Variants in SAMD5 observed in about 807,000 individuals in gnomAD.
The protein encoded by SAMD5 is sterile alpha motif domain containing 5, also known as sterile alpha motif domain-containing protein 5.
A neutral mutation model predicts 11.3 loss-of-function variants in SAMD5; 13 were observed. The observed-to-expected ratio is 1.15, with a 90% CI of 0.75 to 1.83. SAMD5 has a LOEUF of 1.83. Among genes scored for constraint, SAMD5 ranks in the 40% most tolerant of loss-of-function variants. The probability of loss-of-function intolerance (pLI) is 0.00; values close to 1 mark genes in which losing one functional copy is unlikely to be tolerated. For synonymous variants in SAMD5, 129 were observed against 111.3 expected, an observed-to-expected ratio of 1.16 and a Z score of -1.00; for missense variants, 255 against 239.1, an observed-to-expected ratio of 1.07 and a Z score of -0.44.
intron 1 of SAMD5, among the ~76,000 whole-genome samples, chr6:147,619,204 T>C (rs1789920769): frequency 6.6e-6 from 1 of 152,238 alleles, no homozygotes; most frequent in Non-Finnish European, 1.5e-5. Context: ...ATCTTATTTT[T>C]TTTAAGTATG....
chr6:147,634,443 A>G (rs1322821731), intron 1 of SAMD5, among the ~76,000 whole-genome samples: 2 of 152,154 alleles, frequency 1.3e-5, no homozygotes, highest in East Asian at 3.9e-4. Flanking sequence ...ATCTCCCATC[A>G]GGCCCCTCCT....
At chr6:147,849,569 C>T in the SAMD5 span, among the ~76,000 whole-genome samples, 1 of 152,086 alleles carries the variant, frequency 6.6e-6, no homozygotes, top group African/African-American at 2.4e-5. Context: ...GGACGCTCAG[C>T]ATTATTTTTT....
chr6:147,817,279 C>G, the SAMD5 span, among the ~76,000 whole-genome samples: 8 of 152,314 alleles, frequency 5.3e-5, no homozygotes, highest in African/African-American at 1.2e-4. Flanking sequence ...AAGTGAATGG[C>G]CCAGCTGTGC....
chr6:147,859,563 A>T, the SAMD5 span, among the ~76,000 whole-genome samples: 1 of 152,312 alleles, frequency 6.6e-6, no homozygotes, highest in African/African-American at 2.4e-5. Context: ...CTAAAAGATA[A>T]AACAATTATC....
chr6:147,563,787 A>G (rs1352520292), intron 1 of SAMD5, among the ~76,000 whole-genome samples: 1 of 152,132 alleles, frequency 6.6e-6, no homozygotes, highest in Non-Finnish European at 1.5e-5. Context: ...CTTTGTAAGA[A>G]ATACTTAATT....
the SAMD5 span, among the ~76,000 whole-genome samples, chr6:147,765,552 A>G: frequency 3.9e-5 from 6 of 152,244 alleles, no homozygotes; most frequent in Non-Finnish European, 8.8e-5. Context: ...TTTAACAAAC[A>G]TTACTGAAGC....
the SAMD5 span, among the ~76,000 whole-genome samples, chr6:147,761,301 C>A: frequency 2.6e-5 from 4 of 152,022 alleles, no homozygotes; most frequent in African/African-American, 4.8e-5. Context: ...TTTTCAATGT[C>A]GTGAACTTGC....
the SAMD5 span, among the ~76,000 whole-genome samples, chr6:147,829,616 A>AGT: frequency 6.8e-6 from 1 of 147,652 alleles, no homozygotes; most frequent in African/African-American, 2.5e-5. Context: ...GCATTTATGT[A>AGT]GTGTGTGTGT....
chr6:147,892,097 A>G, the SAMD5 span, among the ~76,000 whole-genome samples: 3 of 152,158 alleles, frequency 2.0e-5, no homozygotes, highest in Admixed American at 6.5e-5. Flanking sequence ...TGCAAATACT[A>G]GTTCCTGAAA....
At chr6:147,526,453 A>G (rs35506695) in intron 1 of SAMD5, among the ~76,000 whole-genome samples, 8,198 of 152,318 alleles carry the variant, frequency 0.054, 274 homozygotes, top group Admixed American at 0.084. Flanking sequence ...ATATGTAAGT[A>G]AACATAACAT....
the SAMD5 span, among the ~76,000 whole-genome samples, chr6:147,747,128 C>T: frequency 6.1e-3 from 922 of 152,304 alleles, 5 homozygotes; most frequent in Middle Eastern, 0.037. Context: ...TTGAATGGGT[C>T]AGGGATGTTT....
chr6:147,570,035 C>T (rs911458649), downstream of SAMD5: 1 of 984,660 alleles, frequency 1.0e-6, no homozygotes, highest in Non-Finnish European at 1.2e-6. Context: ...CCGCCTTGGC[C>T]TCTTTTGTAA....
intron 1 of SAMD5, among the ~76,000 whole-genome samples, chr6:147,671,747 T>C (rs1324624649): frequency 1.3e-5 from 2 of 152,206 alleles, no homozygotes; most frequent in Admixed American, 1.3e-4. Flanking sequence ...ATTTTTTGAA[T>C]GTCAATTGCT....
At chr6:147,593,121 T>C (rs1281109502) in intron 1 of SAMD5, among the ~76,000 whole-genome samples, 1 of 152,120 alleles carries the variant, frequency 6.6e-6, no homozygotes, top group Admixed American at 6.6e-5. Context: ...CAGAAGTTAG[T>C]GGCTGGGACT....
intron 1 of SAMD5, among the ~76,000 whole-genome samples, chr6:147,535,574 T>C (rs944772930): frequency 1.3e-5 from 2 of 152,240 alleles, no homozygotes; most frequent in African/African-American, 4.8e-5. Flanking sequence ...ACTGATTTGT[T>C]TACAAAATAA....
At chr6:147,699,500 A>T (rs1791222937) in intron 1 of SAMD5, among the ~76,000 whole-genome samples, 1 of 152,220 alleles carries the variant, frequency 6.6e-6, no homozygotes, top group African/African-American at 2.4e-5. Flanking sequence ...AATTATAATC[A>T]TACAAGCAGT....
chr6:147,866,096 T>C, the SAMD5 span, among the ~76,000 whole-genome samples: 1 of 147,074 alleles, frequency 6.8e-6, no homozygotes, highest in African/African-American at 2.5e-5. Context: ...AATCATTGTA[T>C]CTTAGTGAGC....
the SAMD5 span, among the ~76,000 whole-genome samples, chr6:147,930,178 G>A: frequency 1.3e-5 from 2 of 152,110 alleles, no homozygotes; most frequent in South Asian, 4.1e-4. Context: ...CTTTGCTCCA[G>A]TTCCCAATAA....
the SAMD5 span, among the ~76,000 whole-genome samples, chr6:147,859,410 A>G: frequency 1.3e-5 from 2 of 152,216 alleles, no homozygotes; most frequent in Non-Finnish European, 2.9e-5. Flanking sequence ...AGAGAGAGAA[A>G]AATGTGTCTA....
Sources: gnomAD v4.1 joint callset for allele counts (sites outside exome capture counted in the v4.1 genomes callset) on GRCh38, gnomAD v4.1.1 for gene constraint, MANE v1.5 for transcripts, NCBI Gene and HGNC (gene_info 2026-07-23, HGNC 2026-07-21) for gene names.